Variants in COG2 observed in about 807,000 individuals in gnomAD.
The protein encoded by COG2 is component of oligomeric golgi complex 2.
Under a neutral mutation model 90.6 loss-of-function variants are expected in COG2, and 52 were observed. The observed-to-expected ratio is 0.57, with a 90% CI of 0.46 to 0.72. The LOEUF (loss-of-function observed/expected upper bound fraction) is 0.72, where lower values mean the gene tolerates loss of function less well. COG2 is among the 30% of genes least tolerant of loss of function. COG2 has a pLI of 0.00. For missense variants in COG2, 829 were observed against 891.2 expected (o/e 0.93, Z 0.89); for synonymous variants, 337 against 320.4 (o/e 1.05, Z -0.55).
chr1:230,645,731 T>C (rs1661755212), intron 1 of COG2, among the ~76,000 whole-genome samples: 1 of 152,202 alleles, frequency 6.6e-6, no homozygotes, highest in Admixed American at 6.5e-5. Flanking sequence ...GCTCTGACCT[T>C]GTTTTCTTGC....
chr1:230,685,739 T>C (rs1662869169), intron 12 of COG2, among the ~76,000 whole-genome samples: 1 of 152,212 alleles, frequency 6.6e-6, no homozygotes, highest in African/African-American at 2.4e-5. Context: ...GATGACTTAT[T>C]AATACCCTAC....
At chr1:230,656,830 G>T (rs1426154293) in intron 1 of COG2, among the ~76,000 whole-genome samples, 2 of 152,088 alleles carry the variant, frequency 1.3e-5, no homozygotes, top group Non-Finnish European at 2.9e-5. Context: ...ATTATGTAAT[G>T]CCCTTCTTTG....
intron 1 of COG2, among the ~76,000 whole-genome samples, chr1:230,659,013 G>A (rs1662124164): frequency 6.6e-6 from 1 of 151,872 alleles, no homozygotes; most frequent in Non-Finnish European, 1.5e-5. Flanking sequence ...CACAATGTTA[G>A]GTAGAGAAAA....
At chr1:230,645,268 A>G (rs182287701) in intron 1 of COG2, among the ~76,000 whole-genome samples, 15 of 151,798 alleles carry the variant, frequency 9.9e-5, no homozygotes, top group Non-Finnish European at 2.1e-4. Context: ...AAAATGTACA[A>G]ACACTCTTAG....
chr1:230,688,644 G>A (rs1662945489), intron 15 of COG2, 82 bp downstream of exon 15: 1 of 1,477,362 alleles, frequency 6.8e-7, no homozygotes. Flanking sequence ...GAAGGAAGCG[G>A]CGGATTCCCA....
intron 1 of COG2, among the ~76,000 whole-genome samples, chr1:230,657,275 T>G (rs1558269431): frequency 6.6e-6 from 1 of 152,224 alleles, no homozygotes; most frequent in Non-Finnish European, 1.5e-5. Context: ...TGACAAAATC[T>G]CTCAGCATTT....
chr1:230,679,156 C>G, intron 10 of COG2, 104 bp downstream of exon 10: 1 of 1,128,860 alleles, frequency 8.9e-7, no homozygotes, highest in Non-Finnish European at 1.2e-6. Context: ...CTCTGATCAT[C>G]ATAATAAGCT....
rs745506772 is a variant in COG2, at chr1:230,688,582, G to C, written c.1794+20G>C. On this transcript the variant is annotated intron_variant, in intron 15 of 17. Coordinates refer to ENST00000366669, the MANE Select transcript of COG2 (RefSeq NM_007357.3). ...AATAAGGTCAGCGCCATTTATGGGA[G>C]AGAATTTTGAGGTGGGGAAGTGTGT... is the stretch of plus-strand genomic sequence containing the variant. 7 of 1,613,106 alleles carry C rather than the reference G, an allele frequency of 4.3e-6. No individual in the cohort carries two copies. Among genetic ancestry groups the C allele is most frequent in the South Asian group, 1.1e-5 (1 of 91,004 alleles).
chr1:230,657,729 A>G (rs1026261966), intron 1 of COG2, among the ~76,000 whole-genome samples: 2 of 151,998 alleles, frequency 1.3e-5, no homozygotes, highest in African/African-American at 4.8e-5. Flanking sequence ...TGGTCTTTTC[A>G]TCTAGTCCCA....
At chr1:230,673,282 C>T (rs981426833) in intron 8 of COG2, among the ~76,000 whole-genome samples, 5 of 152,162 alleles carry the variant, frequency 3.3e-5, no homozygotes, top group Admixed American at 6.5e-5. Flanking sequence ...CTGTACCTTG[C>T]GAGATCATCA....
intron 8 of COG2, 66 bp from the exon 9 acceptor site, chr1:230,674,932 A>G: frequency 7.7e-7 from 1 of 1,295,022 alleles, no homozygotes; most frequent in Admixed American, 2.2e-5. Flanking sequence ...GAAGCAACAC[A>G]GTGGAAATTT....
chr1:230,669,665 C>T, intron 7 of COG2, 130 bp downstream of exon 7: 1 of 789,906 alleles, frequency 1.3e-6, no homozygotes, highest in Non-Finnish European at 1.9e-6. Context: ...ACAGTACCAG[C>T]TATAAGGAAG....
intron 15 of COG2, 34 bp downstream of exon 15, chr1:230,688,596 G>A (rs1391653866): frequency 1.9e-6 from 3 of 1,611,422 alleles, no homozygotes; most frequent in Admixed American, 3.3e-5. Context: ...ATTTTGAGGT[G>A]GGGAAGTGTG....
rs546788325 is a variant in COG2 at position 230,654,594 on chromosome 1, G to A, written c.73-4870G>A. 1.0e-3 allele frequency among the ~76,000 whole-genome samples: 156 copies of A among 151,786 alleles called. No individual in the cohort carries two copies. The South Asian group carries it at 0.013, about 12-fold the overall frequency. ...TTGCTTAGGATTGTCTTGGCTATGC[G>A]AGCTCTTCTTTGAGAAGACTTTTTC... On this transcript the variant is annotated intron_variant, in intron 1 of 17. Coordinates refer to ENST00000366669, the MANE Select transcript of COG2 (RefSeq NM_007357.3).
chr1:230,691,481 C>T lies in COG2; in HGVS notation c.2032C>T (p.Pro678Ser), dbSNP rs201047561. ...KQARKTTPAN[P>S]VGPSGGMSDD... ...AGCCAGAAAAACCACTCCCGCCAAC[C>T]CCGTCGGTCCCAGTGGTGGCATGAG... The change falls in exon 17 of 18, where the codon CCC (proline) becomes TCC (serine). Residue 678 changes from proline (P) to serine (S), a missense_variant. Pro to Ser is a moderately conservative substitution (Grantham distance 74). Coordinates refer to ENST00000366669, the MANE Select transcript of COG2 (RefSeq NM_007357.3). The T allele has an allele frequency of 1.9e-6, 3 of 1,614,152 alleles. No homozygotes were observed. The South Asian group carries it at 3.3e-5, about 18-fold the overall frequency.
At chr1:230,673,219 T>A (rs930981530) in intron 8 of COG2, among the ~76,000 whole-genome samples, 1 of 152,172 alleles carries the variant, frequency 6.6e-6, no homozygotes, top group Non-Finnish European at 1.5e-5. Flanking sequence ...TTTTCCACAG[T>A]TTTTAGTGTG....
At chr1:230,670,607 T>G (rs1662424775) in intron 7 of COG2, 1 of 152,102 alleles carries the variant, frequency 6.6e-6, no homozygotes, top group Non-Finnish European at 1.5e-5. Flanking sequence ...TCTTTGTCAA[T>G]AAGTGAAAAA....
chr1:230,656,172 T>A (rs1381376699), intron 1 of COG2, among the ~76,000 whole-genome samples: 1 of 152,144 alleles, frequency 6.6e-6, no homozygotes, highest in Non-Finnish European at 1.5e-5. Context: ...CTGCTGTTGC[T>A]TCTCCAGTTC....
In COG2 at chr1:230,653,346, G is replaced by A. The variant is rs183106426; in HGVS notation, c.73-6118G>A. Among the ~76,000 whole-genome samples, 8 of 151,270 alleles carry A rather than the reference G, an allele frequency of 5.3e-5. No individual in the cohort carries two copies. In the East Asian group the frequency reaches 5.9e-4, roughly 11 times the overall value. ...AGCAATTCTCATGGCTCAGCCTCCCGAGTAACTGGGAGTACAGGCACATGC... is the reference window on the plus strand; with the variant it reads ...AGCAATTCTCATGGCTCAGCCTCCCAAGTAACTGGGAGTACAGGCACATGC... On this transcript the variant is annotated intron_variant, in intron 1 of 17. Transcript: ENST00000366669.
Sources: allele counts gnomAD v4.1 joint callset (sites outside exome capture counted in the v4.1 genomes callset), GRCh38; gene constraint gnomAD v4.1.1; transcripts MANE v1.5; gene names NCBI Gene and HGNC (gene_info 2026-07-23, HGNC 2026-07-21).